Variants in SLC25A46 observed in about 807,000 individuals in gnomAD.
The protein encoded by SLC25A46 is solute carrier family 25 member 46, also known as mitochondrial outer membrane protein SLC25A46.
SLC25A46 carries 39 observed loss-of-function variants against 44.6 expected under a neutral mutation model. That is an observed-to-expected ratio of 0.87 (90% confidence interval 0.68 to 1.14). The LOEUF (loss-of-function observed/expected upper bound fraction) is 1.14, where lower values mean the gene tolerates loss of function less well. Ranked by LOEUF, SLC25A46 falls within the 50% of genes most tolerant of loss-of-function variation. The pLI, the probability that SLC25A46 is intolerant of heterozygous loss-of-function variation, is 0.00. For missense variants in SLC25A46, 547 were observed against 522.7 expected (o/e 1.05, Z -0.45); for synonymous variants, 202 against 185.8 (o/e 1.09, Z -0.71).
intron 5 of SLC25A46, among the ~76,000 whole-genome samples, chr5:110,748,777 C>G (rs1453864331): frequency 6.6e-6 from 1 of 151,930 alleles, no homozygotes; most frequent in Non-Finnish European, 1.5e-5. Context: ...GTTGGACAGT[C>G]TAGGTAATAA....
upstream of SLC25A46, chr5:110,738,294 G>A: frequency 1.6e-6 from 2 of 1,261,022 alleles, no homozygotes; most frequent in Non-Finnish European, 2.1e-6. Context: ...TTCAATTAGA[G>A]GTCCCAATTT....
chr5:110,741,954 A>T (rs1258034416), intron 1 of SLC25A46, 93 bp from the exon 2 acceptor site: 1 of 865,076 alleles, frequency 1.2e-6, no homozygotes, highest in South Asian at 1.6e-5. Flanking sequence ...TAATAAAATA[A>T]ATTTTTTAAA....
intron 4 of SLC25A46, 46 bp from the exon 5 acceptor site, chr5:110,748,117 C>A: frequency 1.5e-6 from 2 of 1,317,528 alleles, no homozygotes; most frequent in Non-Finnish European, 2.2e-6. Flanking sequence ...TTTTGTGTTT[C>A]AGATGTAGGT....
At chr5:110,751,460 T>C (rs1359212547) in intron 5 of SLC25A46, among the ~76,000 whole-genome samples, 2 of 152,136 alleles carry the variant, frequency 1.3e-5, no homozygotes, top group African/African-American at 4.8e-5. Context: ...AATTCAGGTG[T>C]AACTGAGAGA....
intron 6 of SLC25A46, among the ~76,000 whole-genome samples, 181 bp downstream of exon 6, chr5:110,755,702 A>G (rs1043249202): frequency 9.2e-5 from 14 of 152,102 alleles, no homozygotes; most frequent in African/African-American, 3.4e-4. Context: ...TGAAATATAT[A>G]TTATCTTTAA....
chr5:110,746,494 T>C lies in SLC25A46; in HGVS notation c.462+148T>C, dbSNP rs17132327. On this transcript the variant is annotated intron_variant, in intron 4 of 7. Coordinates refer to ENST00000355943, the MANE Select transcript of SLC25A46 (RefSeq NM_138773.4). ...ACTAAAGTAGCACAACGATATGTTT[T>C]TGAATCTTTCAAAATGTAATTTAGC... is the stretch of plus-strand genomic sequence containing the variant. The C allele has an allele frequency of 4.7e-3, 2,673 of 572,868 alleles. 58 individuals carry two copies. Among genetic ancestry groups the C allele is most frequent in the African/African-American group, 0.045 (2,275 of 50,166 alleles). 35.5% of individuals were successfully genotyped at this position (572,868 alleles called of 1,614,324 possible). A position where few individuals can be genotyped will look rare whatever the true frequency, so the allele number is the denominator to read the frequency against.
chr5:110,752,479 T>C (rs1799990261), intron 5 of SLC25A46, among the ~76,000 whole-genome samples: 1 of 152,170 alleles, frequency 6.6e-6, no homozygotes, highest in Admixed American at 6.5e-5. Flanking sequence ...GTTCAGTCTC[T>C]CACAAAACCC....
Position 110,739,081 on chromosome 5 carries a change from G to C in SLC25A46, c.-39G>C. The C allele has an allele frequency of 6.5e-7, 1 of 1,535,988 alleles. No homozygotes were observed. Among genetic ancestry groups the C allele is most frequent in the Non-Finnish European group, 8.7e-7 (1 of 1,144,842 alleles). ...AGGTCGTGGTGGCCCCGGTGGTGGT[G>C]GGCTCCGGGCGGGCTCGCGTCATCC... On this transcript the variant is annotated 5_prime_UTR_variant, in exon 1 of 8. Coordinates refer to ENST00000355943, the MANE Select transcript of SLC25A46 (RefSeq NM_138773.4).
chr5:110,756,039 G>C (rs1429642747), intron 6 of SLC25A46: 2 of 152,206 alleles, frequency 1.3e-5, no homozygotes, highest in African/African-American at 4.8e-5. Context: ...CCCTCAGTGG[G>C]ACATTCCAGC....
At chr5:110,739,943 G>A (rs1799600614) in intron 1 of SLC25A46, among the ~76,000 whole-genome samples, 1 of 150,890 alleles carries the variant, frequency 6.6e-6, no homozygotes, top group African/African-American at 2.4e-5. Flanking sequence ...AAAAAAAAAA[G>A]TTTCCTTCCT....
At chr5:110,743,092 T>C (rs1245503303) in intron 2 of SLC25A46, among the ~76,000 whole-genome samples, 1 of 152,104 alleles carries the variant, frequency 6.6e-6, no homozygotes, top group African/African-American at 2.4e-5. Context: ...TAGACTATTA[T>C]TACATATAAA....
intron 7 of SLC25A46, among the ~76,000 whole-genome samples, chr5:110,760,970 C>T (rs567530190): frequency 6.6e-6 from 1 of 152,034 alleles, no homozygotes; most frequent in Non-Finnish European, 1.5e-5. Context: ...ACCTACACAT[C>T]TCCCCAGTCT....
intron 5 of SLC25A46, 95 bp from the exon 6 acceptor site, chr5:110,755,370 A>C: frequency 1.4e-6 from 1 of 733,546 alleles, no homozygotes; most frequent in Non-Finnish European, 2.3e-6. Context: ...ATTGAAAAAA[A>C]TTAGAAGTTG....
Position 110,739,104 on chromosome 5 carries a change from T to G in SLC25A46, c.-16T>G, listed in dbSNP as rs988132072. 4.7e-5 allele frequency: 73 copies of G among 1,544,048 alleles called. No individual in the cohort carries two copies. Among genetic ancestry groups the G allele is most frequent in the Non-Finnish European group, 6.0e-5 (69 of 1,146,270 alleles). The stretch of plus-strand genomic sequence containing the variant: ...GTGGGCTCCGGGCGGGCTCGCGTCA[T>G]CCTGCCCCCGCTGCGATGCATCCGC... On this transcript the variant is annotated 5_prime_UTR_variant, in exon 1 of 8. Transcript: ENST00000355943.
At chr5:110,744,566 A>G (rs1323814301) in intron 3 of SLC25A46, among the ~76,000 whole-genome samples, 5 of 152,228 alleles carry the variant, frequency 3.3e-5, no homozygotes, top group Non-Finnish European at 2.9e-5. Context: ...TAAAAATACT[A>G]CTGATCTCAC....
chr5:110,748,167 C>T lies in SLC25A46; in HGVS notation c.467C>T (p.Pro156Leu). ...CATGAATTTTGTTCAATTTAGGGAC[C>T]TAGAGCCCTGTGGAAAGGAATGGGA... ...IMYSFNKTQG[P>L]RALWKGMGST... Residue 156 changes from proline to leucine, a missense_variant, in exon 5 of 8, where the codon CCT (proline) becomes CTT (leucine). Physicochemically the swap from Pro to Leu is moderately conservative, Grantham distance 98. Coordinates refer to ENST00000355943, the MANE Select transcript of SLC25A46 (RefSeq NM_138773.4). The T allele has an allele frequency of 6.2e-7, 1 of 1,612,254 alleles. No individual in the cohort carries two copies. Among genetic ancestry groups the T allele is most frequent in the Non-Finnish European group, 8.5e-7 (1 of 1,178,618 alleles).
intron 7 of SLC25A46, chr5:110,757,042 G>T (rs1380224525): frequency 3.9e-6 from 1 of 254,218 alleles, no homozygotes; most frequent in African/African-American, 2.2e-5. Flanking sequence ...TGAAAACAAA[G>T]AATCTATAAA....
intron 5 of SLC25A46, chr5:110,754,754 A>G (rs1412542568): frequency 1.3e-5 from 2 of 152,106 alleles, no homozygotes; most frequent in Non-Finnish European, 2.9e-5. Flanking sequence ...TCTTCTTTGT[A>G]TCAAATAAGA....
chr5:110,761,673 T>C lies in SLC25A46; in HGVS notation c.1148T>C (p.Phe383Ser). Reference sequence around the variant, plus strand: ...ACCATAAGGCAGGAGGAAGGAGTGTTTGGTTTTTATAAAGGGTTTGGTGCT... The same window carrying C: ...ACCATAAGGCAGGAGGAAGGAGTGTCTGGTTTTTATAAAGGGTTTGGTGCT... ...INTIRQEEGV[F>S]GFYKGFGAVI... Residue 383 changes from phenylalanine to serine, a missense_variant, in exon 8 of 8, where the codon TTT becomes TCT. Phe to Ser is a radical substitution (Grantham distance 155). Transcript: ENST00000355943. The surrounding 1 kb of genome is among the most constrained non-coding windows in gnomAD (Gnocchi z 5.3). 1 of 1,613,536 alleles carries C rather than the reference T, an allele frequency of 6.2e-7. No individual in the cohort carries two copies. The highest frequency in any genetic ancestry group is 8.5e-7 in the Non-Finnish European group (1 of 1,179,694).
Sources: allele counts gnomAD v4.1 joint callset (sites outside exome capture counted in the v4.1 genomes callset), GRCh38; gene constraint gnomAD v4.1.1; non-coding constraint Gnocchi (gnomAD v3.1); transcripts MANE v1.5; gene names NCBI Gene and HGNC (gene_info 2026-07-23, HGNC 2026-07-21).